FUT7: variants seen among roughly 807,000 people sequenced by gnomAD.
FUT7 encodes fucosyltransferase 7.
Under a neutral mutation model 5.0 loss-of-function variants are expected in FUT7, and 2 were observed. That is an observed-to-expected ratio of 0.40 (90% confidence interval 0.16 to 1.26). The LOEUF is 1.26. FUT7 is among the 50% of genes most tolerant of loss of function. FUT7 has a pLI of 0.32. For synonymous variants in FUT7, 218 were observed against 210.6 expected, an observed-to-expected ratio of 1.03 and a Z score of -0.30; for missense variants, 461 against 489.8, an observed-to-expected ratio of 0.94 and a Z score of 0.55.
Position 137,031,738 on chromosome 9 carries a change from G to C in FUT7, c.14-13C>G, listed in dbSNP as rs201551388. 1 of 1,541,112 alleles carries C rather than the reference G, an allele frequency of 6.5e-7. No individual in the cohort carries two copies. Among genetic ancestry groups the C allele is most frequent in the Non-Finnish European group, 8.7e-7 (1 of 1,146,832 alleles). On this transcript the variant is annotated splice_polypyrimidine_tract_variant and intron_variant, in intron 1 of 1. Transcript: ENST00000314412. ...GTGGGGCCGTGCCCTGCAGCAGCACGAGGGAGGGGAGGCTCTGTCACTTGG... is the reference window on the plus strand; with the variant it reads ...GTGGGGCCGTGCCCTGCAGCAGCACCAGGGAGGGGAGGCTCTGTCACTTGG...
chr9:137,030,477 G>T lies in FUT7; in HGVS notation c.*233C>A. 1 of 601,442 alleles carries T rather than the reference G, an allele frequency of 1.7e-6. No homozygotes were observed. The highest frequency in any genetic ancestry group is 3.0e-6 in the Non-Finnish European group (1 of 334,862). The allele number at this position is 601,442 out of a possible 1,614,324, so 37.3% of individuals were successfully genotyped here. A position where few individuals can be genotyped will look rare whatever the true frequency, so the allele number is the denominator to read the frequency against. ...CCAAGATTTGTTCAGGGTGGGGAGG[G>T]TCCTCGGCAGCCTTTCCCCTCCCGT... On this transcript the variant is annotated 3_prime_UTR_variant, in exon 2 of 2. Transcript: ENST00000314412.
rs754538944 is a variant in FUT7 at position 137,030,959 on chromosome 9, G to A, written c.780C>T (p.Ala260=). The change falls in exon 2 of 2, where the codon GCC becomes GCT. Residue 260 remains alanine (A), a synonymous_variant. Coordinates refer to ENST00000314412, the MANE Select transcript of FUT7 (RefSeq NM_004479.4). Reference sequence around the variant, plus strand: ...CAGCCGGCACGAAGGCCTCATAGGTGGCCCGTGGGGGCCCCAGCACCACTG... The same window carrying A: ...CAGCCGGCACGAAGGCCTCATAGGTAGCCCGTGGGGGCCCCAGCACCACTG... ...TVPVVLGPPR[A]TYEAFVPADA... 4.3e-5 allele frequency: 69 copies of A among 1,612,842 alleles called. No individual in the cohort carries two copies. The East Asian group carries it at 1.5e-3, about 35-fold the overall frequency.
Position 137,030,934 on chromosome 9 carries a change from C to T in FUT7, c.805G>A (p.Asp269Asn), listed in dbSNP as rs774639941. Residue 269 changes from aspartate to asparagine, a missense_variant, in exon 2 of 2, where the codon GAC becomes AAC. Transcript: ENST00000314412. ...AAGTCATCCACATGCACGAAGGCGT[C>T]AGCCGGCACGAAGGCCTCATAGGTG... The part of the protein sequence containing the change: ...RATYEAFVPA[D>N]AFVHVDDFGS... 1 of 1,612,820 alleles carries T rather than the reference C, an allele frequency of 6.2e-7. No homozygotes were observed. The highest frequency in any genetic ancestry group is 1.1e-5 in the South Asian group (1 of 91,090).
At position 137,031,573 on chromosome 9, in the gene FUT7, A is replaced by G. The variant is rs1831856517; in HGVS notation, c.166T>C (p.Phe56Leu). ...TITILVWHWP[F>L]TDQPPELPSD... ...GGCAGCTCTGGGGGCTGGTCAGTGA[A>G]GGGCCAGTGCCAGACAAGGATGGTG... Residue 56 changes from phenylalanine (F) to leucine (L), a missense_variant, in exon 2 of 2, where the codon TTC (phenylalanine) becomes CTC (leucine). Transcript: ENST00000314412. 1 of 1,569,318 alleles carries G rather than the reference A, an allele frequency of 6.4e-7. No individual in the cohort carries two copies. Among genetic ancestry groups the G allele is most frequent in the African/African-American group, 1.3e-5 (1 of 74,288 alleles).
chr9:137,032,047 G>C lies in FUT7; in HGVS notation c.-56C>G. Reference sequence around the variant, plus strand: ...GACCCGAGATTCTCAAATCACGGCAGCCGCCAGAGGTGCCCCTGAAATCAC... The same window carrying C: ...GACCCGAGATTCTCAAATCACGGCACCCGCCAGAGGTGCCCCTGAAATCAC... On this transcript the variant is annotated 5_prime_UTR_variant, in exon 1 of 2. Coordinates refer to ENST00000314412, the MANE Select transcript of FUT7 (RefSeq NM_004479.4). The C allele has an allele frequency of 6.3e-7, 1 of 1,585,506 alleles. No homozygotes were observed. Among genetic ancestry groups the C allele is most frequent in the East Asian group, 2.2e-5 (1 of 44,744 alleles).
In FUT7 at chr9:137,030,596, T is replaced by C; in HGVS notation, c.*114A>G. 1 of 1,292,550 alleles carries C rather than the reference T, an allele frequency of 7.7e-7. No individual in the cohort carries two copies. The allele number at this position is 1,292,550 out of a possible 1,614,324, so 80.1% of individuals were successfully genotyped here. A position where few individuals can be genotyped will look rare whatever the true frequency, so the allele number is the denominator to read the frequency against. Reference sequence around the variant, plus strand: ...CACCCCCCACCCCTGCTTCCTGACCTCTGTGCCCAGCCTCCCGTTAGCCCG... The same window carrying C: ...CACCCCCCACCCCTGCTTCCTGACCCCTGTGCCCAGCCTCCCGTTAGCCCG... On this transcript the variant is annotated 3_prime_UTR_variant, in exon 2 of 2. Transcript: ENST00000314412.
chr9:137,030,662 C>A lies in FUT7; in HGVS notation c.*48G>T, dbSNP rs377213937. ...GGCCGGATGCCTGGTGGTTTGATTT[C>A]GACACCCAGCCCTTCCACCCACACC... On this transcript the variant is annotated 3_prime_UTR_variant, in exon 2 of 2. Coordinates refer to ENST00000314412, the MANE Select transcript of FUT7 (RefSeq NM_004479.4). 1.3e-5 allele frequency: 21 copies of A among 1,604,898 alleles called. No individual in the cohort carries two copies. The highest frequency in any genetic ancestry group is 6.0e-6 in the Non-Finnish European group (7 of 1,174,992).
rs369126859 is a variant in FUT7 at position 137,031,737 on chromosome 9, C to T, written c.14-12G>A. 847 of 1,542,032 alleles carry T rather than the reference C, an allele frequency of 5.5e-4. 4 individuals are homozygous for T. Among genetic ancestry groups the T allele is most frequent in the South Asian group, 1.8e-3 (149 of 83,996 alleles). Reference sequence around the variant, plus strand: ...GGTGGGGCCGTGCCCTGCAGCAGCACGAGGGAGGGGAGGCTCTGTCACTTG... The same window carrying T: ...GGTGGGGCCGTGCCCTGCAGCAGCATGAGGGAGGGGAGGCTCTGTCACTTG... On this transcript the variant is annotated splice_polypyrimidine_tract_variant and intron_variant, in intron 1 of 1. Coordinates refer to ENST00000314412, the MANE Select transcript of FUT7 (RefSeq NM_004479.4).
In FUT7 at chr9:137,031,308, C is replaced by G; in HGVS notation, c.431G>C (p.Arg144Pro). Residue 144 changes from arginine to proline, a missense_variant, in exon 2 of 2, where the codon CGG becomes CCG. Coordinates refer to ENST00000314412, the MANE Select transcript of FUT7 (RefSeq NM_004479.4). ...RGIFNWVLSY[R>P]RDSDIFVPYG... ...GGGCACAAAGATGTCCGAGTCGCGC[C>G]GGTAGCTCAGCACCCAGTTGAAGAT... 6.2e-7 allele frequency: 1 copy of G among 1,606,520 alleles called. No individual in the cohort carries two copies. Among genetic ancestry groups the G allele is most frequent in the Non-Finnish European group, 8.5e-7 (1 of 1,177,878 alleles).
Position 137,031,438 on chromosome 9 carries a change from G to C in FUT7, c.301C>G (p.Arg101Gly). 6.4e-7 allele frequency: 1 copy of C among 1,555,524 alleles called. No homozygotes were observed. The highest frequency in any genetic ancestry group is 8.7e-7 in the Non-Finnish European group (1 of 1,150,138). Residue 101 changes from arginine (R) to glycine (G), a missense_variant, in exon 2 of 2, where the codon CGG becomes GGG. By Grantham distance (125) the Arg-to-Gly change is moderately radical. Coordinates refer to ENST00000314412, the MANE Select transcript of FUT7 (RefSeq NM_004479.4). Reference sequence around the variant, plus strand: ...TGGGCCAGGGGCAGGTGGGACCGCCGGGTCTGCAGCTCGCGGTGGTGGAAG... The same window carrying C: ...TGGGCCAGGGGCAGGTGGGACCGCCCGGTCTGCAGCTCGCGGTGGTGGAAG... The part of the protein sequence containing the change: ...VVFHHRELQT[R>G]RSHLPLAQRP...
chr9:137,030,521 G>A lies in FUT7; in HGVS notation c.*189C>T, dbSNP rs755055589. The A allele has an allele frequency of 5.9e-5, 40 of 682,948 alleles. No homozygotes were observed. Among genetic ancestry groups the A allele is most frequent in the Non-Finnish European group, 7.8e-5 (31 of 399,020 alleles). The allele number at this position is 682,948 out of a possible 1,614,324, so 42.3% of individuals were successfully genotyped here. A position where few individuals can be genotyped will look rare whatever the true frequency, so the allele number is the denominator to read the frequency against. On this transcript the variant is annotated 3_prime_UTR_variant, in exon 2 of 2. Coordinates refer to ENST00000314412, the MANE Select transcript of FUT7 (RefSeq NM_004479.4). ...CTCCCGTCTGCCGCAGCAGGCACCC[G>A]TTACCTCCCTCCCACTCTCACCTCC...
chr9:137,031,857 C>G lies in FUT7; in HGVS notation c.13+122G>C, dbSNP rs376579509. On this transcript the variant is annotated intron_variant, in intron 1 of 1. Transcript: ENST00000314412. ...CCACATGCCCCACTCAGCGCCACCCCCGTCCTCCCCTCCCATGGGCTCAGG... is the reference window on the plus strand; with the variant it reads ...CCACATGCCCCACTCAGCGCCACCCGCGTCCTCCCCTCCCATGGGCTCAGG... 31 of 1,464,070 alleles carry G rather than the reference C, an allele frequency of 2.1e-5. No homozygotes were observed. The African/African-American group carries it at 2.8e-4, about 13-fold the overall frequency. 90.7% of individuals were successfully genotyped at this position (1,464,070 alleles called of 1,614,324 possible).
At position 137,030,925 on chromosome 9, in the gene FUT7, C is replaced by G. The variant is rs368220027; in HGVS notation, c.814G>C (p.Val272Leu). Residue 272 changes from valine (V) to leucine (L), a missense_variant, in exon 2 of 2, where the codon GTG becomes CTG. By Grantham distance (32) the Val-to-Leu change is conservative (BLOSUM62 1). Coordinates refer to ENST00000314412, the MANE Select transcript of FUT7 (RefSeq NM_004479.4). The part of the protein sequence containing the change: ...YEAFVPADAF[V>L]HVDDFGSARE... ...GCTGAGCCAAAGTCATCCACATGCA[C>G]GAAGGCGTCAGCCGGCACGAAGGCC... 3 of 1,612,672 alleles carry G rather than the reference C, an allele frequency of 1.9e-6. No homozygotes were observed. Among genetic ancestry groups the G allele is most frequent in the Non-Finnish European group, 2.5e-6 (3 of 1,179,984 alleles).
In FUT7 at chr9:137,030,408, A is replaced by T; in HGVS notation, c.*302T>A. 1 of 431,774 alleles carries T rather than the reference A, an allele frequency of 2.3e-6. No individual in the cohort carries two copies. Among genetic ancestry groups the T allele is most frequent in the East Asian group, 4.5e-5 (1 of 21,982 alleles). The allele number at this position is 431,774 out of a possible 1,614,324, so 26.7% of individuals were successfully genotyped here. The stretch of plus-strand genomic sequence containing the variant: ...TCAGGCTGGGGTGCCCCCCAGCCCC[A>T]AGGGCCCTGCCTTTCACCCTCTTCC... On this transcript the variant is annotated 3_prime_UTR_variant, in exon 2 of 2. Transcript: ENST00000314412.
chr9:137,031,295 G>A lies in FUT7; in HGVS notation c.444C>T (p.Asp148=). Residue 148 remains aspartate, a synonymous_variant, in exon 2 of 2, where the codon GAC becomes GAT. Transcript: ENST00000314412. ...CCAGGCGGCCATAGGGCACAAAGATGTCCGAGTCGCGCCGGTAGCTCAGCA... is the reference window on the plus strand; with the variant it reads ...CCAGGCGGCCATAGGGCACAAAGATATCCGAGTCGCGCCGGTAGCTCAGCA... ...NWVLSYRRDS[D]IFVPYGRLEP... 6.2e-7 allele frequency: 1 copy of A among 1,607,298 alleles called. No individual in the cohort carries two copies.
chr9:137,031,944 C>T, intron 1 of FUT7, 35 bp downstream of exon 1: 1 of 1,610,200 alleles, frequency 6.2e-7, no homozygotes, highest in Non-Finnish European at 8.5e-7. Flanking sequence ...CCTAGCTGTC[C>T]CCAGCTTGGG....
In FUT7 at chr9:137,031,636, A is replaced by G. The variant is rs1041870483; in HGVS notation, c.103T>C (p.Ser35Pro). 3 of 1,554,186 alleles carry G rather than the reference A, an allele frequency of 1.9e-6. No individual in the cohort carries two copies. The highest frequency in any genetic ancestry group is 1.4e-5 in the African/African-American group (1 of 73,316). Residue 35 changes from serine to proline, a missense_variant, in exon 2 of 2, where the codon TCA becomes CCA. Coordinates refer to ENST00000314412, the MANE Select transcript of FUT7 (RefSeq NM_004479.4). ...AALWLLWLLG[S>P]APRGTPAPQP... ...GGTGCCGGGGTACCCCGAGGGGCTG[A>G]CCCCAGCAGCCACAGGAGCCAGAGG...
rs1269178235 is a variant in FUT7 at position 137,030,372 on chromosome 9, C to A, written c.*338G>T. The A allele has an allele frequency of 2.8e-6, 1 of 351,120 alleles. No homozygotes were observed. Among genetic ancestry groups the A allele is most frequent in the Non-Finnish European group, 5.4e-6 (1 of 184,264 alleles). 21.8% of individuals were successfully genotyped at this position (351,120 alleles called of 1,614,324 possible). ...GGAAGCTCGGGGTCCCAGGTTTGGC[C>A]CCCACAAACTTCAGGCTGGGGTGCC... On this transcript the variant is annotated 3_prime_UTR_variant, in exon 2 of 2. Coordinates refer to ENST00000314412, the MANE Select transcript of FUT7 (RefSeq NM_004479.4).
chr9:137,030,250 T>G lies in FUT7; in HGVS notation c.*460A>C, dbSNP rs974632939. The G allele has an allele frequency of 4.9e-5, 11 of 223,476 alleles. No individual in the cohort carries two copies. The South Asian group carries it at 7.0e-4, about 14-fold the overall frequency. 13.8% of individuals were successfully genotyped at this position (223,476 alleles called of 1,614,324 possible). Reference sequence around the variant, plus strand: ...AGCTGGTTTGCTCCCCGTGGTCTCCTGGGCCCCGCCCCAGCCTACACACAG... The same window carrying G: ...AGCTGGTTTGCTCCCCGTGGTCTCCGGGGCCCCGCCCCAGCCTACACACAG... On this transcript the variant is annotated 3_prime_UTR_variant, in exon 2 of 2. Transcript: ENST00000314412.
Sources: allele counts gnomAD v4.1 joint callset, GRCh38; gene constraint gnomAD v4.1.1; transcripts MANE v1.5; gene names NCBI Gene and HGNC (gene_info 2026-07-23, HGNC 2026-07-21).